Variants in EPN1 observed in about 807,000 individuals in gnomAD.
EPN1 encodes epsin-1.
A neutral mutation model predicts 56.9 loss-of-function variants in EPN1; 25 were observed. That is an observed-to-expected ratio of 0.44 (90% CI 0.32 to 0.61). The LOEUF is 0.61. EPN1 is among the 20% of genes least tolerant of loss of function. EPN1 has a pLI of 0.05. For missense variants in EPN1, 785 were observed against 823.7 expected (o/e 0.95, Z 0.58); for synonymous variants, 411 against 361.8 (o/e 1.14, Z -1.54).
chr19:55,689,979 G>A lies in EPN1; in HGVS notation c.762+29G>A. On this transcript the variant is annotated intron_variant, in intron 6 of 10. Coordinates refer to ENST00000270460, the MANE Select transcript of EPN1 (RefSeq NM_001130072.2). This position sits in a 1 kb window ranked among gnomAD's most constrained non-coding sequence, Gnocchi z 5.7. ...AGCGGGGCTTGTTCTGCCCTCCCTG[G>A]CCCCTGCAGGTGTCCGTCCGTCCCA... 6.4e-7 allele frequency: 1 copy of A among 1,562,038 alleles called. No individual in the cohort carries two copies. Among genetic ancestry groups the A allele is most frequent in the Middle Eastern group, 1.7e-4 (1 of 5,890 alleles).
chr19:55,688,755 G>A, intron 3 of EPN1, 115 bp from the exon 4 acceptor site: 1 of 1,447,964 alleles, frequency 6.9e-7, no homozygotes, highest in Non-Finnish European at 9.3e-7. Context: ...AGGTTGTAGG[G>A]TGGGGGACTT....
chr19:55,691,658 G>A lies in EPN1; in HGVS notation c.763-96G>A. 3 of 1,092,594 alleles carry A rather than the reference G, an allele frequency of 2.7e-6. No individual in the cohort carries two copies. The highest frequency in any genetic ancestry group is 2.5e-5 in the East Asian group (1 of 40,162). The allele number at this position is 1,092,594 out of a possible 1,614,324, so 67.7% of individuals were successfully genotyped here. A position where few individuals can be genotyped will look rare whatever the true frequency, so the allele number is the denominator to read the frequency against. On this transcript the variant is annotated intron_variant, in intron 6 of 10. Transcript: ENST00000270460. The surrounding 1 kb of genome is among the most constrained non-coding windows in gnomAD (Gnocchi z 5.6). ...GGATGGCTGCTGTCTGGACACCCAG[G>A]GCCTGGCCGCCTCCCCCGCCACGGG...
chr19:55,684,005 T>C (rs1375033394), intron 2 of EPN1, among the ~76,000 whole-genome samples: 1 of 151,956 alleles, frequency 6.6e-6, no homozygotes, highest in African/African-American at 2.4e-5. Context: ...GCCCCAGGAG[T>C]TGTGGACCTG....
chr19:55,695,217 A>G lies in EPN1; in HGVS notation c.1592A>G (p.Asn531Ser), dbSNP rs1435065291. The G allele has an allele frequency of 1.9e-6, 3 of 1,613,266 alleles. No individual in the cohort carries two copies. The highest frequency in any genetic ancestry group is 2.5e-6 in the Non-Finnish European group (3 of 1,179,774). ...QPAPPATLTLNQLRLSPVPPV... is the reference protein window; with the variant it reads ...QPAPPATLTLSQLRLSPVPPV... ...GCGCCTCCCGCGACGCTCACCCTGA[A>G]CCAGCTCCGTCTCAGTCCTGTGCCT... The change falls in exon 11 of 11, where the codon AAC (asparagine) becomes AGC (serine). Residue 531 changes from asparagine (N) to serine (S), a missense_variant. Asn to Ser is a conservative substitution (Grantham distance 46). This residue lies in a region of EPN1 where 650 missense variants were observed against 605.0 expected (regional missense o/e 1.07). Coordinates refer to ENST00000270460, the MANE Select transcript of EPN1 (RefSeq NM_001130072.2). This position sits in a 1 kb window ranked among gnomAD's most constrained non-coding sequence, Gnocchi z 4.4.
rs147563696 is a variant in EPN1, at chr19:55,706,146, T to TTCC, written c.*10802_*10804dup. On this transcript the variant is annotated 3_prime_UTR_variant, in exon 11 of 11. Transcript: ENST00000270460. Reference sequence around the variant, plus strand: ...GAGACTGGAGAACTTTGATTTCTTCTTCCTCCTCCTCCTCTCTTTTCTTCT... The same window carrying TTCC: ...GAGACTGGAGAACTTTGATTTCTTCTTCCTCCTCCTCCTCCTCTCTTTTCTTCT... 0.36 allele frequency: 67,587 copies of TTCC among 189,700 alleles called. 14,863 individuals are homozygous for TTCC. Among genetic ancestry groups the TTCC allele is most frequent in the African/African-American group, 0.61 (25,117 of 41,126 alleles). The allele number at this position is 189,700 out of a possible 1,614,324, so 11.8% of individuals were successfully genotyped here.
rs1987548394 is a variant in EPN1, at chr19:55,708,662, A to G, written c.*13306A>G. ...AGAGCGTTTAGCACTTGTTTAACGTACTTGTGCTTCTAAATATCACAAGGC... is the reference window on the plus strand; with the variant it reads ...AGAGCGTTTAGCACTTGTTTAACGTGCTTGTGCTTCTAAATATCACAAGGC... On this transcript the variant is annotated 3_prime_UTR_variant, in exon 11 of 11. Coordinates refer to ENST00000270460, the MANE Select transcript of EPN1 (RefSeq NM_001130072.2). 1 of 334,342 alleles carries G rather than the reference A, an allele frequency of 3.0e-6. No individual in the cohort carries two copies. The highest frequency in any genetic ancestry group is 2.1e-5 in the African/African-American group (1 of 47,184). The allele number at this position is 334,342 out of a possible 1,614,324, so 20.7% of individuals were successfully genotyped here. A position where few individuals can be genotyped will look rare whatever the true frequency, so the allele number is the denominator to read the frequency against.
intron 2 of EPN1, 129 bp downstream of exon 2, chr19:55,678,984 C>G (rs1037744842): frequency 1.5e-5 from 10 of 662,960 alleles, no homozygotes; most frequent in African/African-American, 1.3e-4. Context: ...TAAAATCTCT[C>G]TTTTTGTTTA....
chr19:55,681,736 C>T (rs536915089), intron 2 of EPN1, among the ~76,000 whole-genome samples: 1 of 152,242 alleles, frequency 6.6e-6, no homozygotes, highest in African/African-American at 2.4e-5. Context: ...TCATTTTATG[C>T]AGTTGCCCAC....
chr19:55,684,214 A>C (rs1986015461), intron 2 of EPN1, among the ~76,000 whole-genome samples: 1 of 152,200 alleles, frequency 6.6e-6, no homozygotes, highest in African/African-American at 2.4e-5. Context: ...TGGCCCTGGC[A>C]TCTTTCCTGG....
chr19:55,675,593 G>A (rs1003268803), intron 1 of EPN1, among the ~76,000 whole-genome samples, 158 bp downstream of exon 1: 1 of 152,208 alleles, frequency 6.6e-6, no homozygotes, highest in Non-Finnish European at 1.5e-5. Flanking sequence ...CCCCGTGTCG[G>A]TTGTCTGTGT....
In EPN1 at chr19:55,702,638, GC is replaced by G. The variant is rs760856183; in HGVS notation, c.*7283del. 3 of 152,190 alleles carry G rather than the reference GC, an allele frequency of 2.0e-5. No homozygotes were observed. Among genetic ancestry groups the G allele is most frequent in the Admixed American group, 6.5e-5 (1 of 15,274 alleles). The allele number at this position is 152,190 out of a possible 1,614,324, so 9.4% of individuals were successfully genotyped here. A position where few individuals can be genotyped will look rare whatever the true frequency, so the allele number is the denominator to read the frequency against. Reference sequence around the variant, plus strand: ...TGGTGAGAAAGGGAGCAATTTCTAAGCTGCTTTTTGTTAGGAAGTTTTTTGC... The same window carrying G: ...TGGTGAGAAAGGGAGCAATTTCTAAGTGCTTTTTGTTAGGAAGTTTTTTGC... On this transcript the variant is annotated 3_prime_UTR_variant, in exon 11 of 11. Coordinates refer to ENST00000270460, the MANE Select transcript of EPN1 (RefSeq NM_001130072.2).
Position 55,706,373 on chromosome 19 carries a change from C to G in EPN1, c.*11017C>G, listed in dbSNP as rs1176945347. Reference sequence around the variant, plus strand: ...CTGTTTTAGAAAAGTGAAAGAGGGCCGGGCGTGGTGGCTCATGTCTGAAAT... The same window carrying G: ...CTGTTTTAGAAAAGTGAAAGAGGGCGGGGCGTGGTGGCTCATGTCTGAAAT... On this transcript the variant is annotated 3_prime_UTR_variant, in exon 11 of 11. Coordinates refer to ENST00000270460, the MANE Select transcript of EPN1 (RefSeq NM_001130072.2). 6.7e-6 allele frequency: 1 copy of G among 150,022 alleles called. No individual in the cohort carries two copies. The allele number at this position is 150,022 out of a possible 1,614,324, so 9.3% of individuals were successfully genotyped here.
intron 2 of EPN1, among the ~76,000 whole-genome samples, chr19:55,683,652 C>T (rs1033928390): frequency 4.6e-5 from 7 of 152,254 alleles, no homozygotes; most frequent in Admixed American, 1.3e-4. Context: ...CACACCTGGC[C>T]TCATTTCTCT....
rs975753196 is a variant in EPN1 at position 55,697,859 on chromosome 19, G to T, written c.*2503G>T. The T allele has an allele frequency of 6.6e-6, 1 of 152,162 alleles. No individual in the cohort carries two copies. The highest frequency in any genetic ancestry group is 1.5e-5 in the Non-Finnish European group (1 of 68,062). 9.4% of individuals were successfully genotyped at this position (152,162 alleles called of 1,614,324 possible). A position where few individuals can be genotyped will look rare whatever the true frequency, so the allele number is the denominator to read the frequency against. On this transcript the variant is annotated 3_prime_UTR_variant, in exon 11 of 11. Transcript: ENST00000270460. Reference sequence around the variant, plus strand: ...CCCGATTGAGGGCTCCCCCCACTGTGTGTGTATCACTCTTTCTACAGCAGA... The same window carrying T: ...CCCGATTGAGGGCTCCCCCCACTGTTTGTGTATCACTCTTTCTACAGCAGA...
intron 2 of EPN1, among the ~76,000 whole-genome samples, chr19:55,683,384 C>T (rs1254280269): frequency 4.0e-5 from 6 of 151,630 alleles, no homozygotes; most frequent in African/African-American, 1.5e-4. Context: ...TGGAGTCTCA[C>T]TCTGTCTCCC....
At position 55,694,627 on chromosome 19, in the gene EPN1, G is replaced by C; in HGVS notation, c.1265-99G>C. The C allele has an allele frequency of 7.1e-7, 1 of 1,401,426 alleles. No individual in the cohort carries two copies. The allele number at this position is 1,401,426 out of a possible 1,614,324, so 86.8% of individuals were successfully genotyped here. A position where few individuals can be genotyped will look rare whatever the true frequency, so the allele number is the denominator to read the frequency against. On this transcript the variant is annotated intron_variant, in intron 9 of 10. Transcript: ENST00000270460. The surrounding 1 kb of genome is among the most constrained non-coding windows in gnomAD (Gnocchi z 4.2). ...CTCCTTCCCGAGGCCTCTGGGCACC[G>C]GGCTCTTTGAAGCGCCCCCTATGAT... is the stretch of plus-strand genomic sequence containing the variant.
At chr19:55,681,758 T>G (rs1347169037) in intron 2 of EPN1, among the ~76,000 whole-genome samples, 1 of 152,224 alleles carries the variant, frequency 6.6e-6, no homozygotes, top group Non-Finnish European at 1.5e-5. Context: ...GCTTTTTGGT[T>G]GTTTTCAGAA....
At chr19:55,688,387 G>A (rs1054357798) in intron 3 of EPN1, among the ~76,000 whole-genome samples, 11 of 152,162 alleles carry the variant, frequency 7.2e-5, no homozygotes, top group African/African-American at 2.2e-4. Flanking sequence ...CCCTAACCCC[G>A]ACTAGGCCTT....
rs1275136210 is a variant in EPN1 at position 55,694,181 on chromosome 19, T to TGCGCTCCAACTGGGGAAACGAGCG, written c.1265-544_1265-521dup. ...TTGCAGTGAGCTGAGGTTGCGCCAT[T>TGCGCTCCAACTGGGGAAACGAGCG]GCGCTCCAACTGGGGAAACGAGCGA... On this transcript the variant is annotated intron_variant, in intron 9 of 10. Transcript: ENST00000270460. The surrounding 1 kb of genome is among the most constrained non-coding windows in gnomAD (Gnocchi z 4.2). The TGCGCTCCAACTGGGGAAACGAGCG allele has an allele frequency of 5.5e-5, 8 of 146,298 alleles. No homozygotes were observed. Among genetic ancestry groups the TGCGCTCCAACTGGGGAAACGAGCG allele is most frequent in the African/African-American group, 2.0e-4 (8 of 39,056 alleles). 9.1% of individuals were successfully genotyped at this position (146,298 alleles called of 1,614,324 possible). A position where few individuals can be genotyped will look rare whatever the true frequency, so the allele number is the denominator to read the frequency against.
Sources: allele counts gnomAD v4.1 joint callset (sites outside exome capture counted in the v4.1 genomes callset), GRCh38; gene constraint gnomAD v4.1.1; regional missense constraint gnomAD v4.1.1; non-coding constraint Gnocchi (gnomAD v3.1); transcripts MANE v1.5; gene names NCBI Gene and HGNC (gene_info 2026-07-23, HGNC 2026-07-21).